Variants in DCBLD2 observed in about 807,000 individuals in gnomAD.
The protein encoded by DCBLD2 is discoidin, CUB and LCCL domain containing 2, also known as discoidin, CUB and LCCL domain-containing protein 2.
Under a neutral mutation model 86.8 loss-of-function variants are expected in DCBLD2, and 54 were observed. The observed-to-expected ratio is 0.62, with a 90% CI of 0.50 to 0.78. The LOEUF is 0.78. Among genes scored for constraint, DCBLD2 ranks in the 30% least tolerant of loss-of-function variants. The probability of loss-of-function intolerance (pLI) is 0.00; values close to 1 mark genes in which losing one functional copy is unlikely to be tolerated. For synonymous variants in DCBLD2, 354 were observed against 341.3 expected (o/e 1.04, Z -0.41); for missense variants, 908 against 954.2 (o/e 0.95, Z 0.64).
chr3:98,823,960 G>A (rs1379564996), intron 4 of DCBLD2, among the ~76,000 whole-genome samples: 1 of 152,118 alleles, frequency 6.6e-6, no homozygotes, highest in East Asian at 1.9e-4. Flanking sequence ...TGAGCTAAGG[G>A]GTGTCACTAG....
intron 2 of DCBLD2, among the ~76,000 whole-genome samples, chr3:98,864,191 A>G (rs1234020977): frequency 6.6e-6 from 1 of 152,230 alleles, no homozygotes; most frequent in Non-Finnish European, 1.5e-5. Flanking sequence ...GATTATTAAA[A>G]AGTCAGGAAA....
chr3:98,875,903 G>A (rs1199620641), intron 2 of DCBLD2, among the ~76,000 whole-genome samples: 3 of 151,882 alleles, frequency 2.0e-5, no homozygotes, highest in East Asian at 1.9e-4. Context: ...AAAAAACCCC[G>A]ATGTACCAGG....
intron 1 of DCBLD2, among the ~76,000 whole-genome samples, chr3:98,892,484 A>T (rs1943680170): frequency 6.6e-6 from 1 of 152,064 alleles, no homozygotes; most frequent in African/African-American, 2.4e-5. Context: ...GGTCAATGTG[A>T]GGGCCAACTC....
At chr3:98,821,630 A>T (rs1942119404) in intron 6 of DCBLD2, among the ~76,000 whole-genome samples, 1 of 151,740 alleles carries the variant, frequency 6.6e-6, no homozygotes, top group South Asian at 2.1e-4. Context: ...AAACTTCTAG[A>T]CTCTTATGTA....
chr3:98,841,054 C>G (rs1459693463), intron 3 of DCBLD2, among the ~76,000 whole-genome samples: 1 of 152,174 alleles, frequency 6.6e-6, no homozygotes, highest in Non-Finnish European at 1.5e-5. Flanking sequence ...CTAGTCTTCA[C>G]AGTAGAGTTT....
At chr3:98,862,188 C>A (rs1488217681) in intron 2 of DCBLD2, among the ~76,000 whole-genome samples, 1 of 152,094 alleles carries the variant, frequency 6.6e-6, no homozygotes, top group Non-Finnish European at 1.5e-5. Flanking sequence ...AGTTGAATCC[C>A]TGAACAGACC....
chr3:98,879,410 G>A (rs183929023), intron 2 of DCBLD2, among the ~76,000 whole-genome samples: 28 of 151,608 alleles, frequency 1.8e-4, no homozygotes, highest in Middle Eastern at 3.4e-3. Context: ...TTTTTGAGAC[G>A]GAGTCTTGCT....
chr3:98,867,150 C>T lies in DCBLD2; in HGVS notation c.433+14390G>A, dbSNP rs187090793. ...TGAAGTCAGGTAGCCTGATGCCTCC[C>T]GCTTTGTTCTTTTGGCTTAGGATTG... On this transcript the variant is annotated intron_variant, in intron 2 of 15. Coordinates refer to ENST00000326840, the MANE Select transcript of DCBLD2 (RefSeq NM_080927.4). Among the ~76,000 whole-genome samples, 144 of 152,246 alleles carry T rather than the reference C, an allele frequency of 9.5e-4. 2 individuals carry two copies. In the East Asian group the frequency reaches 0.021, roughly 22 times the overall value.
At chr3:98,837,872 AC>A (rs1167528081) in intron 3 of DCBLD2, among the ~76,000 whole-genome samples, 8 of 106,442 alleles carry the variant, frequency 7.5e-5, no homozygotes, top group African/African-American at 1.7e-4. Context: ...CGGGGGGCTG[AC>A]CCCCCCACCT....
intron 2 of DCBLD2, among the ~76,000 whole-genome samples, chr3:98,856,591 C>T (rs564202445): frequency 1.4e-4 from 21 of 152,146 alleles, no homozygotes; most frequent in African/African-American, 4.6e-4. Context: ...CAGAAGGAAA[C>T]TACAGCACAA....
At chr3:98,893,713 C>CTCAAAAA (rs1335617578) in intron 1 of DCBLD2, among the ~76,000 whole-genome samples, 1 of 151,986 alleles carries the variant, frequency 6.6e-6, no homozygotes, top group East Asian at 1.9e-4. Context: ...AGCATGTTTC[C>CTCAAAAA]AGATATAAAG....
At chr3:98,889,172 A>G (rs1171954325) in intron 1 of DCBLD2, among the ~76,000 whole-genome samples, 1 of 152,010 alleles carries the variant, frequency 6.6e-6, no homozygotes, top group East Asian at 1.9e-4. Context: ...TAGATCATTA[A>G]ATAATTTCTC....
At chr3:98,882,458 G>A (rs531898646) in intron 1 of DCBLD2, among the ~76,000 whole-genome samples, 1 of 152,010 alleles carries the variant, frequency 6.6e-6, no homozygotes, top group South Asian at 2.1e-4. Context: ...CAAGTTCTGG[G>A]GTACATGTGC....
chr3:98,873,600 C>T (rs957019540), intron 2 of DCBLD2, among the ~76,000 whole-genome samples: 1 of 151,850 alleles, frequency 6.6e-6, no homozygotes, highest in Non-Finnish European at 1.5e-5. Flanking sequence ...CCATATTAAT[C>T]AGTGATATCA....
intron 3 of DCBLD2, among the ~76,000 whole-genome samples, chr3:98,848,147 G>C (rs989963390): frequency 6.6e-6 from 1 of 152,054 alleles, no homozygotes; most frequent in Non-Finnish European, 1.5e-5. Context: ...AAAAGCCCCA[G>C]TGTGTGTTGT....
intron 3 of DCBLD2, among the ~76,000 whole-genome samples, chr3:98,830,995 G>T (rs955590290): frequency 6.6e-6 from 1 of 151,802 alleles, no homozygotes; most frequent in Non-Finnish European, 1.5e-5. Context: ...TTCTTTTTGT[G>T]GCAATTGTGA....
intron 2 of DCBLD2, among the ~76,000 whole-genome samples, chr3:98,850,452 G>C (rs1394108071): frequency 6.6e-6 from 1 of 152,168 alleles, no homozygotes; most frequent in East Asian, 1.9e-4. Context: ...CCACAGGTTG[G>C]ACAAGCTTGG....
chr3:98,816,516 G>A (rs868682170), intron 9 of DCBLD2, among the ~76,000 whole-genome samples: 2 of 152,144 alleles, frequency 1.3e-5, no homozygotes, highest in African/African-American at 2.4e-5. Context: ...TATGGAGACA[G>A]TATTGTTATT....
At chr3:98,855,992 T>C (rs1942924977) in intron 2 of DCBLD2, among the ~76,000 whole-genome samples, 2 of 152,200 alleles carry the variant, frequency 1.3e-5, no homozygotes, top group South Asian at 4.1e-4. Flanking sequence ...TCATGCCAAG[T>C]ATGCTAATAC....
Sources: gnomAD v4.1 joint callset for allele counts (sites outside exome capture counted in the v4.1 genomes callset) on GRCh38, gnomAD v4.1.1 for gene constraint, MANE v1.5 for transcripts, NCBI Gene and HGNC (gene_info 2026-07-23, HGNC 2026-07-21) for gene names.